ADAMTS17: variants seen among roughly 807,000 people sequenced by gnomAD.
ADAMTS17 encodes A disintegrin and metalloproteinase with thrombospondin motifs 17.
A neutral mutation model predicts 141.5 loss-of-function variants in ADAMTS17; 113 were observed. The ratio of observed to expected loss-of-function variants is 0.80; its 90% CI spans 0.69 to 0.93. The LOEUF (loss-of-function observed/expected upper bound fraction) is 0.93, where lower values mean the gene tolerates loss of function less well. Ranked by LOEUF, ADAMTS17 falls within the 40% of genes least tolerant of loss-of-function variation. The probability of loss-of-function intolerance (pLI) is 0.00; values close to 1 mark genes in which losing one functional copy is unlikely to be tolerated. For synonymous variants in ADAMTS17, 768 were observed against 630.6 expected (o/e 1.22, Z -3.27); for missense variants, 1,659 against 1,517.9 (o/e 1.09, Z -1.54).
chr15:100,029,501 G>A (rs147670645), intron 18 of ADAMTS17, among the ~76,000 whole-genome samples: 130 of 152,154 alleles, frequency 8.5e-4, no homozygotes, highest in African/African-American at 2.7e-3. Context: ...TAGGGCATCC[G>A]GCTGCCTCAT....
chr15:99,974,347 G>A lies in ADAMTS17; in HGVS notation c.*55C>T. The A allele has an allele frequency of 1.2e-6, 2 of 1,611,212 alleles. No homozygotes were observed. Among genetic ancestry groups the A allele is most frequent in the Non-Finnish European group, 8.5e-7 (1 of 1,179,084 alleles). On this transcript the variant is annotated 3_prime_UTR_variant, in exon 22 of 22. Transcript: ENST00000268070. ...TGGCCACAAGGCTGGTAGGCTTGCG[G>A]GTGGGTGGGTTTCAGACCTGAGTCT...
chr15:100,130,295 C>T (rs981314165), intron 12 of ADAMTS17, among the ~76,000 whole-genome samples: 23 of 149,210 alleles, frequency 1.5e-4, no homozygotes, highest in African/African-American at 5.5e-4. Context: ...AGCAGGGAGG[C>T]GGAGGTTGCA....
intron 18 of ADAMTS17, among the ~76,000 whole-genome samples, chr15:100,013,671 T>C (rs542739950): frequency 6.6e-6 from 1 of 152,384 alleles, no homozygotes; most frequent in East Asian, 1.9e-4. Flanking sequence ...ATTCTATTTA[T>C]GTGGTGTATC....
chr15:100,270,462 T>G (rs1324075867), intron 4 of ADAMTS17, among the ~76,000 whole-genome samples: 1 of 152,144 alleles, frequency 6.6e-6, no homozygotes, highest in Non-Finnish European at 1.5e-5. Context: ...GGGATGTGCT[T>G]AGAATACAAA....
At chr15:100,209,595 A>C (rs912236167) in intron 7 of ADAMTS17, among the ~76,000 whole-genome samples, 2 of 132,360 alleles carry the variant, frequency 1.5e-5, no homozygotes. Context: ...ACGGCATTAC[A>C]TTTTATTAAA....
chr15:100,181,205 G>A (rs2040513079), intron 8 of ADAMTS17, among the ~76,000 whole-genome samples: 1 of 152,144 alleles, frequency 6.6e-6, no homozygotes, highest in Non-Finnish European at 1.5e-5. Context: ...TCACCATTTA[G>A]GGCAGTGGAC....
chr15:100,245,327 G>A (rs963621422), intron 7 of ADAMTS17, among the ~76,000 whole-genome samples: 4 of 152,228 alleles, frequency 2.6e-5, no homozygotes, highest in African/African-American at 7.2e-5. Flanking sequence ...TACTTTCCCA[G>A]TCAGAACAAT....
chr15:100,096,248 C>T, intron 15 of ADAMTS17, 108 bp downstream of exon 15: 1 of 1,570,688 alleles, frequency 6.4e-7, no homozygotes, highest in East Asian at 2.2e-5. Context: ...CACCTATCCA[C>T]TACCATCTAG....
intron 6 of ADAMTS17, among the ~76,000 whole-genome samples, chr15:100,259,970 A>C (rs770220581): frequency 4.6e-5 from 7 of 152,168 alleles, no homozygotes; most frequent in Non-Finnish European, 8.8e-5. Flanking sequence ...TCAGCCTCCC[A>C]AGTAGCTGGG....
At chr15:100,135,617 G>A (rs913148249) in intron 10 of ADAMTS17, among the ~76,000 whole-genome samples, 7 of 152,118 alleles carry the variant, frequency 4.6e-5, no homozygotes, top group Non-Finnish European at 8.8e-5. Flanking sequence ...AAAGGCAACT[G>A]TAAGAACACA....
At chr15:100,303,847 C>T (rs927980927) in intron 3 of ADAMTS17, among the ~76,000 whole-genome samples, 9 of 152,120 alleles carry the variant, frequency 5.9e-5, no homozygotes, top group South Asian at 2.1e-4. Context: ...CTCAACCTCC[C>T]GAGTAGTTGG....
At chr15:100,075,969 C>A (rs2034344207) in intron 15 of ADAMTS17, among the ~76,000 whole-genome samples, 1 of 152,132 alleles carries the variant, frequency 6.6e-6, no homozygotes, top group Admixed American at 6.6e-5. Flanking sequence ...CACGTTTCAT[C>A]TCTCTTTCTT....
chr15:99,992,732 GC>G (rs1753618780), intron 20 of ADAMTS17, among the ~76,000 whole-genome samples: 1 of 152,198 alleles, frequency 6.6e-6, no homozygotes, highest in African/African-American at 2.4e-5. Flanking sequence ...CCAGCACACC[GC>G]ACAGCATGGC....
intron 12 of ADAMTS17, 65 bp from the exon 13 acceptor site, chr15:100,117,078 C>T (rs935858191): frequency 9.4e-5 from 145 of 1,534,662 alleles, no homozygotes; most frequent in African/African-American, 1.4e-4. Context: ...GAGCTGTTTC[C>T]GTCTCTCTTG....
intron 3 of ADAMTS17, among the ~76,000 whole-genome samples, chr15:100,313,905 ACCACCCCAAACG>A: frequency 2.8e-5 from 1 of 35,890 alleles, no homozygotes; most frequent in Non-Finnish European, 4.9e-5. Flanking sequence ...GTCAGACAAA[ACCACCCCAAACG>A]TCACCATGAA....
chr15:100,024,477 G>A (rs2061468571), intron 18 of ADAMTS17, among the ~76,000 whole-genome samples: 1 of 152,116 alleles, frequency 6.6e-6, no homozygotes, highest in African/African-American at 2.4e-5. Flanking sequence ...TCCATATTTT[G>A]GATGATTTCC....
chr15:100,234,075 G>C (rs8038157), intron 7 of ADAMTS17, among the ~76,000 whole-genome samples: 7,163 of 152,260 alleles, frequency 0.047, 541 homozygotes, highest in African/African-American at 0.16. Context: ...TCCGTGGCAG[G>C]GAGGAGACCC....
chr15:100,293,475 A>G (rs1266701682), intron 3 of ADAMTS17, among the ~76,000 whole-genome samples: 1 of 152,210 alleles, frequency 6.6e-6, no homozygotes, highest in African/African-American at 2.4e-5. Context: ...CCCATCAAAA[A>G]CAAATTCAAA....
At chr15:100,203,017 G>C (rs1160159605) in intron 7 of ADAMTS17, among the ~76,000 whole-genome samples, 1 of 152,172 alleles carries the variant, frequency 6.6e-6, no homozygotes, top group Non-Finnish European at 1.5e-5. Context: ...TGTTTGCATA[G>C]TTTCTCGTAA....
Sources: gnomAD v4.1 joint callset for allele counts (sites outside exome capture counted in the v4.1 genomes callset) on GRCh38, gnomAD v4.1.1 for gene constraint, MANE v1.5 for transcripts, NCBI Gene and HGNC (gene_info 2026-07-23, HGNC 2026-07-21) for gene names.